The following SMYD3 variants were observed in gnomAD, a reference collection of about 807,000 sequenced individuals.
SMYD3 encodes the protein histone-lysine N-methyltransferase SMYD3.
Under a neutral mutation model 57.7 loss-of-function variants are expected in SMYD3, and 36 were observed. The ratio of observed to expected loss-of-function variants is 0.62; its 90% CI spans 0.48 to 0.82. SMYD3 has a LOEUF of 0.82. Among genes scored for constraint, SMYD3 ranks in the 40% least tolerant of loss-of-function variants. The pLI is 0.00. For synonymous variants in SMYD3, 211 were observed against 195.0 expected (o/e 1.08, Z -0.68); for missense variants, 515 against 538.8 (o/e 0.96, Z 0.44).
At chr1:246,035,297 C>T (rs1440004560) in intron 5 of SMYD3, 4 of 152,214 alleles carry the variant, frequency 2.6e-5, no homozygotes, top group East Asian at 1.9e-4. Context: ...TTCAGAATGG[C>T]GTTTATGATC....
chr1:246,339,888 A>T (rs937927685), intron 2 of SMYD3, among the ~76,000 whole-genome samples: 2 of 152,220 alleles, frequency 1.3e-5, no homozygotes, highest in South Asian at 4.1e-4. Context: ...TGCAGCAAGA[A>T]GGCCCTTACA....
chr1:246,154,863 G>A (rs1263959036), intron 5 of SMYD3, among the ~76,000 whole-genome samples: 1 of 151,174 alleles, frequency 6.6e-6, no homozygotes, highest in African/African-American at 2.4e-5. Context: ...CTCACTCTAA[G>A]CTCCGCCTCC....
At chr1:246,311,398 A>G (rs768471183) in intron 5 of SMYD3, among the ~76,000 whole-genome samples, 2 of 152,252 alleles carry the variant, frequency 1.3e-5, no homozygotes, top group Non-Finnish European at 2.9e-5. Context: ...GAAGCCTGCC[A>G]TAATGATTAG....
chr1:246,376,457 G>T (rs542825711), intron 1 of SMYD3, among the ~76,000 whole-genome samples: 11 of 151,562 alleles, frequency 7.3e-5, no homozygotes, highest in African/African-American at 2.7e-4. Flanking sequence ...CAGGCGTGGT[G>T]GCAGGTGCCT....
At chr1:245,870,817 C>A (rs987773380) in intron 8 of SMYD3, among the ~76,000 whole-genome samples, 4 of 93,824 alleles carry the variant, frequency 4.3e-5, no homozygotes, top group African/African-American at 1.0e-4. Flanking sequence ...AAAGTGACCA[C>A]GGGCTCTGTC....
chr1:246,170,979 CAGA>C (rs1300520744), intron 5 of SMYD3, among the ~76,000 whole-genome samples: 1 of 151,734 alleles, frequency 6.6e-6, no homozygotes, highest in Non-Finnish European at 1.5e-5. Flanking sequence ...TTTTTTAAAC[CAGA>C]AGATTATTTT....
At chr1:246,088,395 G>C (rs948124136) in intron 5 of SMYD3, among the ~76,000 whole-genome samples, 2 of 151,060 alleles carry the variant, frequency 1.3e-5, no homozygotes, top group Non-Finnish European at 2.9e-5. Flanking sequence ...GGATCATGAG[G>C]TCAGGAGATC....
chr1:245,812,145 TG>T (rs530524672), intron 10 of SMYD3, among the ~76,000 whole-genome samples: 103 of 152,334 alleles, frequency 6.8e-4, no homozygotes, highest in African/African-American at 2.4e-3. Flanking sequence ...GTCACGTGTG[TG>T]GGCAACTCAC....
At chr1:246,461,526 G>A (rs544358454) in intron 1 of SMYD3, among the ~76,000 whole-genome samples, 1 of 152,004 alleles carries the variant, frequency 6.6e-6, no homozygotes, top group South Asian at 2.1e-4. Context: ...ATTTCCATGT[G>A]TTTTCAAAAA....
At chr1:246,372,035 T>G (rs1321906489) in intron 1 of SMYD3, among the ~76,000 whole-genome samples, 5 of 152,246 alleles carry the variant, frequency 3.3e-5, no homozygotes, top group African/African-American at 1.2e-4. Context: ...AAAATGACAC[T>G]TTAAGTTTAT....
At chr1:246,146,457 A>G (rs2061843917) in intron 5 of SMYD3, among the ~76,000 whole-genome samples, 1 of 152,186 alleles carries the variant, frequency 6.6e-6, no homozygotes, top group East Asian at 1.9e-4. Context: ...CCTCTGTCCA[A>G]ACAAACCTCC....
At chr1:246,266,453 A>G (rs2064109075) in intron 5 of SMYD3, among the ~76,000 whole-genome samples, 1 of 152,112 alleles carries the variant, frequency 6.6e-6, no homozygotes, top group Non-Finnish European at 1.5e-5. Context: ...TGGTATGCCG[A>G]TAGTGAAGTC....
At chr1:245,767,819 G>A (rs548915671) in intron 10 of SMYD3, among the ~76,000 whole-genome samples, 4 of 152,292 alleles carry the variant, frequency 2.6e-5, no homozygotes, top group East Asian at 1.9e-4. Context: ...ACACACACGC[G>A]CAAAGCTAGG....
intron 5 of SMYD3, chr1:246,096,500 T>G (rs1343170326): frequency 6.6e-6 from 1 of 152,196 alleles, no homozygotes; most frequent in Non-Finnish European, 1.5e-5. Context: ...ATGGGAAGAA[T>G]GAAGCTCTGA....
intron 8 of SMYD3, among the ~76,000 whole-genome samples, chr1:245,892,121 A>T (rs186102243): frequency 6.6e-6 from 1 of 152,200 alleles, no homozygotes; most frequent in Non-Finnish European, 1.5e-5. Flanking sequence ...CTAGGCACAA[A>T]AAAAGGGGGA....
chr1:245,819,030 T>C, intron 10 of SMYD3, among the ~76,000 whole-genome samples: 1 of 96,216 alleles, frequency 1.0e-5, no homozygotes, highest in Admixed American at 1.2e-4. Flanking sequence ...AACTCAGCTC[T>C]GCACCAAGCG....
At position 246,105,570 on chromosome 1, in the gene SMYD3, T is replaced by C. The variant is rs193257148; in HGVS notation, c.532-175633A>G. ...GAGGGAGAAACACCTTACTGAAATG[T>C]CTACAATTTGGAAAGAAAGACTAAA... On this transcript the variant is annotated intron_variant, in intron 5 of 11. Coordinates refer to ENST00000490107, the MANE Select transcript of SMYD3 (RefSeq NM_001167740.2). Among the ~76,000 whole-genome samples, 4 of 152,274 alleles carry C rather than the reference T, an allele frequency of 2.6e-5. No individual in the cohort carries two copies. In the East Asian group the frequency reaches 7.7e-4, roughly 29 times the overall value.
chr1:246,276,801 A>T (rs1431708553), intron 5 of SMYD3, among the ~76,000 whole-genome samples: 1 of 148,190 alleles, frequency 6.7e-6, no homozygotes, highest in Non-Finnish European at 1.5e-5. Context: ...CAAGTTACTT[A>T]ATGTTTCTAG....
intron 5 of SMYD3, among the ~76,000 whole-genome samples, chr1:246,289,777 C>A (rs547665429): frequency 1.2e-4 from 18 of 152,228 alleles, no homozygotes; most frequent in African/African-American, 4.3e-4. Flanking sequence ...CATGAACTCA[C>A]CAATGGAGGT....
Sources: gnomAD v4.1 joint callset for allele counts (sites outside exome capture counted in the v4.1 genomes callset) on GRCh38, gnomAD v4.1.1 for gene constraint, MANE v1.5 for transcripts, NCBI Gene and HGNC (gene_info 2026-07-23, HGNC 2026-07-21) for gene names.